Variants in ENOX1 observed in about 807,000 individuals in gnomAD.
ENOX1 encodes ecto-NOX disulfide-thiol exchanger 1.
In ENOX1, 42 loss-of-function variants were observed where a neutral mutation model predicts 82.5. The observed-to-expected ratio is 0.51, with a 90% CI of 0.40 to 0.66. ENOX1 has a LOEUF of 0.66. ENOX1 is among the 30% of genes least tolerant of loss of function. The probability of loss-of-function intolerance (pLI) is 0.00; values close to 1 mark genes in which losing one functional copy is unlikely to be tolerated. For missense variants in ENOX1, 608 were observed against 811.6 expected, an observed-to-expected ratio of 0.75 and a Z score of 3.05; for synonymous variants, 271 against 282.2, an observed-to-expected ratio of 0.96 and a Z score of 0.40.
intron 2 of ENOX1, among the ~76,000 whole-genome samples, chr13:43,489,725 A>C (rs574078843): frequency 2.0e-5 from 3 of 152,268 alleles, no homozygotes; most frequent in Non-Finnish European, 2.9e-5. Flanking sequence ...TATGCTCAAC[A>C]ATATTGTCAT....
chr13:43,245,840 C>A (rs1032614596), intron 14 of ENOX1, among the ~76,000 whole-genome samples: 9 of 152,198 alleles, frequency 5.9e-5, no homozygotes, highest in Admixed American at 5.9e-4. Flanking sequence ...CTGAGATGTT[C>A]CACCTTATTG....
intron 3 of ENOX1, among the ~76,000 whole-genome samples, chr13:43,444,161 A>G (rs1038095592): frequency 1.3e-5 from 2 of 152,206 alleles, no homozygotes; most frequent in Non-Finnish European, 2.9e-5. Flanking sequence ...AGACTGCAAT[A>G]GCACCCCTTT....
chr13:43,504,002 A>G (rs956535314), intron 2 of ENOX1, among the ~76,000 whole-genome samples: 3 of 151,766 alleles, frequency 2.0e-5, no homozygotes, highest in Admixed American at 6.6e-5. Flanking sequence ...CTGCAACTCA[A>G]TAGCAAAAAA....
intron 1 of ENOX1, among the ~76,000 whole-genome samples, chr13:43,727,702 C>A (rs1267146017): frequency 6.6e-6 from 1 of 152,142 alleles, no homozygotes; most frequent in Non-Finnish European, 1.5e-5. Flanking sequence ...CCCTCTACCC[C>A]ACTTTTCCCT....
intron 2 of ENOX1, among the ~76,000 whole-genome samples, chr13:43,660,538 G>T (rs577750239): frequency 6.6e-6 from 1 of 152,054 alleles, no homozygotes; most frequent in Non-Finnish European, 1.5e-5. Context: ...TTTAATAATC[G>T]CATGCTCTTA....
At chr13:43,754,093 T>TATATGTATACGTATATGTATAC (rs1950492387) in intron 1 of ENOX1, among the ~76,000 whole-genome samples, 1 of 143,164 alleles carries the variant, frequency 7.0e-6, no homozygotes, top group Admixed American at 7.1e-5. Context: ...TATATACGTA[T>TATATGTATACGTATATGTATAC]ATATGTATAC....
At chr13:43,438,414 G>A (rs1298140055) in intron 3 of ENOX1, among the ~76,000 whole-genome samples, 1 of 152,146 alleles carries the variant, frequency 6.6e-6, no homozygotes, top group Non-Finnish European at 1.5e-5. Context: ...ATGTGGAAGT[G>A]AGAGGGAGTG....
At chr13:43,688,133 G>A (rs967111146) in intron 1 of ENOX1, among the ~76,000 whole-genome samples, 3 of 152,086 alleles carry the variant, frequency 2.0e-5, no homozygotes, top group Admixed American at 6.5e-5. Context: ...ATTTGGATCC[G>A]AGTTTTGGGA....
intron 1 of ENOX1, among the ~76,000 whole-genome samples, chr13:43,696,776 C>T (rs1211738049): frequency 1.4e-5 from 2 of 144,228 alleles, no homozygotes; most frequent in African/African-American, 2.5e-5. Context: ...TGACAGGACA[C>T]ATTTTTGAGA....
At chr13:43,748,177 T>G (rs1950128004) in intron 1 of ENOX1, among the ~76,000 whole-genome samples, 1 of 152,214 alleles carries the variant, frequency 6.6e-6, no homozygotes, top group African/African-American at 2.4e-5. Context: ...AATCGGCTCC[T>G]TGTCATTCTA....
At chr13:43,566,578 A>T (rs1291005827) in intron 2 of ENOX1, among the ~76,000 whole-genome samples, 1 of 152,032 alleles carries the variant, frequency 6.6e-6, no homozygotes, top group African/African-American at 2.4e-5. Flanking sequence ...TATTTTAAAA[A>T]ATACTTCTAT....
At chr13:43,419,554 A>G (rs2054850453) in intron 3 of ENOX1, among the ~76,000 whole-genome samples, 1 of 150,002 alleles carries the variant, frequency 6.7e-6, no homozygotes, top group Non-Finnish European at 1.5e-5. Context: ...TCCCTGTCTT[A>G]AAAAAAGACA....
intron 1 of ENOX1, among the ~76,000 whole-genome samples, chr13:43,700,070 TAACAA>T (rs2086833068): frequency 6.6e-6 from 1 of 152,200 alleles, no homozygotes; most frequent in Non-Finnish European, 1.5e-5. Flanking sequence ...TTGTACCTGT[TAACAA>T]TTGTTTGTTT....
Position 43,785,198 on chromosome 13 carries a change from A to G in ENOX1, c.-285+1454T>C, listed in dbSNP as rs530887247. On this transcript the variant is annotated intron_variant, in intron 1 of 16. Transcript: ENST00000690772. ...TCTATCAAAGTGGCAACGCTAGTAA[A>G]ACAAAAGCAGAGTGTGTTAACCATA... Among the ~76,000 whole-genome samples the G allele has an allele frequency of 2.0e-5, 3 of 152,220 alleles. No homozygotes were observed. The South Asian group carries it at 6.2e-4, about 31-fold the overall frequency.
chr13:43,392,256 T>A (rs2052829072), intron 5 of ENOX1, among the ~76,000 whole-genome samples: 1 of 152,246 alleles, frequency 6.6e-6, no homozygotes, highest in South Asian at 2.1e-4. Context: ...ATCAGTTTAC[T>A]TGTTTACTAC....
Position 43,359,835 on chromosome 13 carries a change from A to T in ENOX1, c.589+16T>A, listed in dbSNP as rs901002436. On this transcript the variant is annotated intron_variant, in intron 7 of 16. Coordinates refer to ENST00000690772, the MANE Select transcript of ENOX1 (RefSeq NM_001347969.2). ...TAACAAAATGCCTAGAAAACTCCTT[A>T]TGTAATGCAAAGTACCAGAAAGGTA... is the stretch of plus-strand genomic sequence containing the variant. The T allele has an allele frequency of 7.5e-6, 12 of 1,609,928 alleles. No individual in the cohort carries two copies. Among genetic ancestry groups the T allele is most frequent in the Non-Finnish European group, 9.4e-6 (11 of 1,176,424 alleles).
At chr13:43,578,576 G>A (rs972877958) in intron 2 of ENOX1, among the ~76,000 whole-genome samples, 11 of 152,014 alleles carry the variant, frequency 7.2e-5, no homozygotes, top group Non-Finnish European at 1.3e-4. Flanking sequence ...CATAAGTAGC[G>A]TCACTCAAGA....
chr13:43,627,102 C>G (rs2082996409), intron 2 of ENOX1, among the ~76,000 whole-genome samples: 1 of 151,952 alleles, frequency 6.6e-6, no homozygotes, highest in Non-Finnish European at 1.5e-5. Context: ...ATTAACATAG[C>G]CACTCTTGAA....
intron 3 of ENOX1, among the ~76,000 whole-genome samples, chr13:43,443,578 A>G (rs189059642): frequency 9.9e-5 from 15 of 152,222 alleles, no homozygotes; most frequent in Non-Finnish European, 1.9e-4. Context: ...CCCTCTTGTT[A>G]AGGAGTCCAC....
Sources: allele counts gnomAD v4.1 joint callset (sites outside exome capture counted in the v4.1 genomes callset), GRCh38; gene constraint gnomAD v4.1.1; transcripts MANE v1.5; gene names NCBI Gene and HGNC (gene_info 2026-07-23, HGNC 2026-07-21).